The following PDLIM1 variants were observed in gnomAD, a reference collection of about 807,000 sequenced individuals.
PDLIM1 encodes the protein PDZ and LIM domain 1, also known as PDZ and LIM domain protein 1.
Under a neutral mutation model 35.2 loss-of-function variants are expected in PDLIM1, and 25 were observed. The ratio of observed to expected loss-of-function variants is 0.71; its 90% CI spans 0.52 to 0.99. The LOEUF (loss-of-function observed/expected upper bound fraction) is 0.99. Among genes scored for constraint, PDLIM1 ranks in the 50% least tolerant of loss-of-function variants. The pLI is 0.00. For synonymous variants in PDLIM1, 152 were observed against 154.0 expected, an observed-to-expected ratio of 0.99 and a Z score of 0.10; for missense variants, 363 against 415.3, an observed-to-expected ratio of 0.87 and a Z score of 1.09.
At chr10:95,269,310 G>A (rs45523136) in intron 2 of PDLIM1, among the ~76,000 whole-genome samples, 3 of 152,300 alleles carry the variant, frequency 2.0e-5, no homozygotes, top group East Asian at 1.9e-4. Context: ...GGTGGCTCAC[G>A]CCTGTAATCC....
At chr10:95,255,273 C>G (rs2035301139) in intron 4 of PDLIM1, among the ~76,000 whole-genome samples, 1 of 145,076 alleles carries the variant, frequency 6.9e-6, no homozygotes, top group Non-Finnish European at 1.5e-5. Flanking sequence ...AGAATGCTTC[C>G]AAACTCATTC....
chr10:95,250,932 C>A (rs967117787), intron 4 of PDLIM1, among the ~76,000 whole-genome samples: 3 of 152,222 alleles, frequency 2.0e-5, no homozygotes, highest in African/African-American at 7.2e-5. Context: ...CCACTCCCAT[C>A]CCTGCCAAAT....
intron 4 of PDLIM1, among the ~76,000 whole-genome samples, chr10:95,252,620 C>T (rs1416292057): frequency 6.6e-6 from 1 of 152,066 alleles, no homozygotes; most frequent in Non-Finnish European, 1.5e-5. Flanking sequence ...GATGGTAACA[C>T]AGTCATCATA....
intron 6 of PDLIM1, 73 bp from the exon 7 acceptor site, chr10:95,238,184 C>T: frequency 4.3e-6 from 6 of 1,382,832 alleles, no homozygotes; most frequent in South Asian, 1.3e-5. Flanking sequence ...CAGGTGGCAC[C>T]ATCCTTCCTG....
At chr10:95,257,037 A>AGAAAGAAAGAAAGAAT (rs1192380541) in intron 4 of PDLIM1, among the ~76,000 whole-genome samples, 9 of 139,464 alleles carry the variant, frequency 6.5e-5, no homozygotes, top group South Asian at 2.3e-4. Flanking sequence ...AAAGAAAGAA[A>AGAAAGAAAGAAAGAAT]GAATTCAAAA....
At chr10:95,242,280 G>A (rs988721474) in intron 5 of PDLIM1, among the ~76,000 whole-genome samples, 8 of 152,122 alleles carry the variant, frequency 5.3e-5, no homozygotes, top group Admixed American at 3.3e-4. Context: ...TTGGGAGGAG[G>A]CCAAAGTTCC....
At position 95,277,423 on chromosome 10, in the gene PDLIM1, T is replaced by C. The variant is rs777788703; in HGVS notation, c.97-5639A>G. Among the ~76,000 whole-genome samples the C allele has an allele frequency of 3.4e-4, 52 of 152,002 alleles. 1 individual carries two copies. Among genetic ancestry groups the C allele is most frequent in the Non-Finnish European group, 6.0e-4 (41 of 67,994 alleles). ...GAGGTCAGATGGCAGGCAGATCACA[T>C]GAGCTGAGGAGTTCAAGACCAGCCT... is the stretch of plus-strand genomic sequence containing the variant. On this transcript the variant is annotated intron_variant, in intron 1 of 6. Coordinates refer to ENST00000329399, the MANE Select transcript of PDLIM1 (RefSeq NM_020992.4).
intron 5 of PDLIM1, among the ~76,000 whole-genome samples, chr10:95,246,149 C>T (rs1485556141): frequency 1.3e-5 from 2 of 152,078 alleles, no homozygotes; most frequent in African/African-American, 4.8e-5. Flanking sequence ...GAGGACTGGG[C>T]ATCACAGGGA....
intron 5 of PDLIM1, 144 bp downstream of exon 5, chr10:95,247,067 CTCTA>C (rs2035227730): frequency 2.8e-6 from 2 of 707,748 alleles, no homozygotes; most frequent in Non-Finnish European, 4.8e-6. Flanking sequence ...CTCTCTCTCC[CTCTA>C]TCTCTTTTTA....
intron 4 of PDLIM1, among the ~76,000 whole-genome samples, chr10:95,253,990 T>C (rs745866272): frequency 1.3e-5 from 2 of 151,978 alleles, no homozygotes; most frequent in Admixed American, 6.5e-5. Context: ...TACAAAGACA[T>C]AGAATAAAAA....
chr10:95,247,434 C>A, intron 4 of PDLIM1, 68 bp from the exon 5 acceptor site: 2 of 1,315,426 alleles, frequency 1.5e-6, no homozygotes, highest in Middle Eastern at 1.9e-4. Context: ...CCAGGAACCT[C>A]CTCCAGGCAG....
At chr10:95,289,002 T>C (rs1357128232) in intron 1 of PDLIM1, among the ~76,000 whole-genome samples, 1 of 152,240 alleles carries the variant, frequency 6.6e-6, no homozygotes, top group Non-Finnish European at 1.5e-5. Context: ...TAAAAACCAA[T>C]GAATTCACAG....
At chr10:95,265,856 G>A (rs45569042) in intron 3 of PDLIM1, among the ~76,000 whole-genome samples, 5,525 of 152,154 alleles carry the variant, frequency 0.036, 179 homozygotes, top group South Asian at 0.14. Flanking sequence ...GTGCCATATC[G>A]TGCCACTGCA....
intron 4 of PDLIM1, among the ~76,000 whole-genome samples, chr10:95,255,296 A>G (rs1316739294): frequency 6.8e-6 from 1 of 147,432 alleles, no homozygotes; most frequent in Non-Finnish European, 1.5e-5. Context: ...TGAGGCCACT[A>G]TTACCCTGAT....
chr10:95,250,096 G>C (rs989884601), intron 4 of PDLIM1, among the ~76,000 whole-genome samples: 16 of 152,124 alleles, frequency 1.1e-4, no homozygotes, highest in Non-Finnish European at 1.5e-5. Flanking sequence ...CTGACTCTTT[G>C]AGTCCTGAGT....
intron 4 of PDLIM1, among the ~76,000 whole-genome samples, chr10:95,251,973 G>C (rs376292985): frequency 6.6e-6 from 1 of 152,176 alleles, no homozygotes; most frequent in African/African-American, 2.4e-5. Flanking sequence ...GTCTCAAGAG[G>C]AGCCTGCTGT....
intron 4 of PDLIM1, among the ~76,000 whole-genome samples, chr10:95,256,881 C>G (rs182830331): frequency 2.3e-3 from 343 of 150,644 alleles, no homozygotes; most frequent in African/African-American, 8.0e-3. Context: ...AGGCTAAGAC[C>G]AAAGAATCAC....
At chr10:95,261,209 G>A (rs1299295861) in intron 4 of PDLIM1, among the ~76,000 whole-genome samples, 1 of 152,104 alleles carries the variant, frequency 6.6e-6, no homozygotes, top group African/African-American at 2.4e-5. Context: ...CATTAATGAA[G>A]GAAAAATAGC....
intron 4 of PDLIM1, among the ~76,000 whole-genome samples, chr10:95,258,695 C>A (rs922565571): frequency 6.6e-6 from 1 of 152,014 alleles, no homozygotes; most frequent in Non-Finnish European, 1.5e-5. Flanking sequence ...GGTTGTTTTT[C>A]AATGGGTACA....
Sources: gnomAD v4.1 joint callset for allele counts (sites outside exome capture counted in the v4.1 genomes callset) on GRCh38, gnomAD v4.1.1 for gene constraint, MANE v1.5 for transcripts, NCBI Gene and HGNC (gene_info 2026-07-23, HGNC 2026-07-21) for gene names.